Variants in TRPC5 observed in about 807,000 individuals in gnomAD.
TRPC5 encodes transient receptor potential cation channel subfamily C member 5, also known as short transient receptor potential channel 5.
A neutral mutation model predicts 56.5 loss-of-function variants in TRPC5; 9 were observed. The ratio of observed to expected loss-of-function variants is 0.16; its 90% CI spans 0.10 to 0.28. The LOEUF is 0.28. Ranked by LOEUF, TRPC5 falls within the 10% of genes least tolerant of loss-of-function variation. The pLI, the probability that TRPC5 is intolerant of heterozygous loss-of-function variation, is 1.00. For missense variants in TRPC5, 469 were observed against 748.9 expected, an observed-to-expected ratio of 0.63 and a Z score of 4.36; for synonymous variants, 282 against 278.5, an observed-to-expected ratio of 1.01 and a Z score of -0.13.
At chrX:111,815,732 C>T (rs902554717) in intron 7 of TRPC5, among the ~76,000 whole-genome samples, 4 of 106,222 alleles carry the variant, frequency 3.8e-5, no homozygotes, top group East Asian at 2.9e-4. Flanking sequence ...ATCACACACA[C>T]ATATATATAT....
chrX:111,967,714 C>T (rs1474752813), intron 1 of TRPC5, among the ~76,000 whole-genome samples: 1 of 110,888 alleles, frequency 9.0e-6, no homozygotes, highest in Non-Finnish European at 1.9e-5. Context: ...GAAAAACAAG[C>T]AATGGGGAAA....
chrX:111,838,165 T>C (rs1042184029), intron 6 of TRPC5, among the ~76,000 whole-genome samples: 2 of 111,638 alleles, frequency 1.8e-5, no homozygotes, highest in African/African-American at 6.5e-5. Context: ...GCTGATATTC[T>C]AGTCAGGGAA....
intron 2 of TRPC5, among the ~76,000 whole-genome samples, chrX:111,937,590 A>C (rs1254117512): frequency 9.3e-6 from 1 of 107,900 alleles, no homozygotes; most frequent in Non-Finnish European, 1.9e-5. Flanking sequence ...AGCACCATTT[A>C]TTAAATAGGG....
chrX:111,894,595 C>A (rs1168354692), intron 3 of TRPC5, among the ~76,000 whole-genome samples: 2 of 111,716 alleles, frequency 1.8e-5, no homozygotes, highest in African/African-American at 6.5e-5. Flanking sequence ...AGGGACACTG[C>A]CCTGCACATT....
At position 112,009,001 on chromosome X, in the gene TRPC5, C is replaced by T. The variant is rs1177381451; in HGVS notation, c.-21-56560G>A. 2.7e-5 allele frequency among the ~76,000 whole-genome samples: 3 copies of T among 111,400 alleles called. No individual in the cohort carries two copies. The East Asian group carries it at 8.5e-4, about 31-fold the overall frequency. ...AGACCATGTGAGGGTTTTCTTGTGC[C>T]TTCTGACCTGGATGCTTTAATGTTG... On this transcript the variant is annotated intron_variant, in intron 1 of 10. Coordinates refer to ENST00000262839, the MANE Select transcript of TRPC5 (RefSeq NM_012471.3).
chrX:111,940,146 C>T (rs1263061504), intron 2 of TRPC5, among the ~76,000 whole-genome samples: 1 of 111,670 alleles, frequency 9.0e-6, no homozygotes, highest in East Asian at 2.8e-4. Context: ...GTTCATGTAT[C>T]TCAAGATAGG....
At chrX:111,809,186 A>C (rs1336301502) in intron 7 of TRPC5, among the ~76,000 whole-genome samples, 1 of 111,078 alleles carries the variant, frequency 9.0e-6, no homozygotes, top group Non-Finnish European at 1.9e-5. Context: ...ATGTACCCCA[A>C]GTCTGCTTGC....
chrX:111,776,523 T>C lies in TRPC5; in HGVS notation c.2712A>G (p.Val904=). 2 of 1,211,491 alleles carry C rather than the reference T, an allele frequency of 1.7e-6. No homozygotes were observed. Among genetic ancestry groups the C allele is most frequent in the Non-Finnish European group, 2.2e-6 (2 of 895,322 alleles). The change falls in exon 11 of 11, where the codon GTA becomes GTG. Residue 904 remains valine, a synonymous_variant. Transcript: ENST00000262839. ...CSQSEINLSE[V]ELGEVQGAAQ... is the part of the protein sequence containing the mutation. ...CAGCGCCCTGGACTTCACCTAATTC[T>C]ACCTCACTGAGGTTAATTTCACTTT...
intron 7 of TRPC5, among the ~76,000 whole-genome samples, chrX:111,810,552 G>T (rs374684283): frequency 9.1e-6 from 1 of 109,995 alleles, no homozygotes; most frequent in East Asian, 2.8e-4. Context: ...AAAAAATTGA[G>T]TGACAGTAGC....
chrX:111,905,720 C>A (rs903948460), intron 3 of TRPC5, among the ~76,000 whole-genome samples: 19 of 109,042 alleles, frequency 1.7e-4, no homozygotes, highest in Non-Finnish European at 3.1e-4. Flanking sequence ...GGAGACCATC[C>A]TGGCTAACAC....
At chrX:112,001,580 C>CA (rs1411194572) in intron 1 of TRPC5, among the ~76,000 whole-genome samples, 14 of 111,473 alleles carry the variant, frequency 1.3e-4, no homozygotes, top group Non-Finnish European at 1.9e-5. Flanking sequence ...GCCAACACGG[C>CA]AAAACCTCGT....
intron 6 of TRPC5, among the ~76,000 whole-genome samples, chrX:111,846,780 G>A (rs191245217): frequency 8.9e-6 from 1 of 112,055 alleles, no homozygotes; most frequent in Non-Finnish European, 1.9e-5. Context: ...CATTTCGAGT[G>A]AGGAATTATC....
At chrX:111,837,903 T>C (rs1317817293) in intron 6 of TRPC5, among the ~76,000 whole-genome samples, 1 of 85,253 alleles carries the variant, frequency 1.2e-5, no homozygotes, top group Non-Finnish European at 2.1e-5. Context: ...AAAGCCCCGT[T>C]ATCAAAAAAA....
Position 112,028,809 on chromosome X carries a change from T to A in TRPC5, c.-22+53070A>T, listed in dbSNP as rs755265332. 3.6e-5 allele frequency among the ~76,000 whole-genome samples: 4 copies of A among 112,003 alleles called. No individual in the cohort carries two copies. In the South Asian group the frequency reaches 1.5e-3, roughly 42 times the overall value. On this transcript the variant is annotated intron_variant, in intron 1 of 10. Coordinates refer to ENST00000262839, the MANE Select transcript of TRPC5 (RefSeq NM_012471.3). ...TATACCCAGTAATGGGATCGCTGGG[T>A]CAAATTGTATTTCTAGTTCTAGATC...
chrX:111,834,897 C>T (rs377507992), intron 7 of TRPC5, 24 bp downstream of exon 7: 75 of 1,162,463 alleles, frequency 6.5e-5, no homozygotes, highest in African/African-American at 2.3e-4. Context: ...AAAGTAAGCA[C>T]GCTTGTAAAG....
At chrX:112,039,848 A>AT (rs1437495719) in intron 1 of TRPC5, among the ~76,000 whole-genome samples, 1 of 112,275 alleles carries the variant, frequency 8.9e-6, no homozygotes, top group Non-Finnish European at 1.9e-5. Context: ...TCAGTGATTT[A>AT]TTTTATCCCA....
intron 1 of TRPC5, among the ~76,000 whole-genome samples, chrX:111,968,505 G>A (rs1314417332): frequency 9.0e-6 from 1 of 110,907 alleles, no homozygotes; most frequent in Non-Finnish European, 1.9e-5. Context: ...AAATCATGCT[G>A]CTATAAAGAC....
chrX:112,061,170 C>G (rs1475275583), intron 1 of TRPC5, among the ~76,000 whole-genome samples: 1 of 112,262 alleles, frequency 8.9e-6, no homozygotes, highest in Non-Finnish European at 1.9e-5. Context: ...TGGACTGTAT[C>G]AAGCTCTGTT....
At chrX:111,973,928 T>C (rs1927851520) in intron 1 of TRPC5, among the ~76,000 whole-genome samples, 1 of 111,418 alleles carries the variant, frequency 9.0e-6, no homozygotes, top group East Asian at 2.8e-4. Context: ...ACAATATAAG[T>C]TGGCAAATGC....
Sources: gnomAD v4.1 joint callset for allele counts (sites outside exome capture counted in the v4.1 genomes callset) on GRCh38, gnomAD v4.1.1 for gene constraint, MANE v1.5 for transcripts, NCBI Gene and HGNC (gene_info 2026-07-23, HGNC 2026-07-21) for gene names.